Variants in FHAD1 observed in about 807,000 individuals in gnomAD.
FHAD1 encodes forkhead associated phosphopeptide binding domain 1, also known as forkhead-associated domain-containing protein 1.
FHAD1 carries 146 observed loss-of-function variants against 191.3 expected under a neutral mutation model. The observed-to-expected ratio is 0.76, with a 90% CI of 0.67 to 0.88. The LOEUF (loss-of-function observed/expected upper bound fraction) is 0.88. Ranked by LOEUF, FHAD1 falls within the 40% of genes least tolerant of loss-of-function variation. The pLI is 0.00. For missense variants in FHAD1, 1,635 were observed against 1,785.8 expected (o/e 0.92, Z 1.52); for synonymous variants, 616 against 672.3 (o/e 0.92, Z 1.29).
rs1365356965 is a variant in FHAD1, at chr1:15,276,375, C to T, written c.300+3846C>T. ...GACCTCCCAACTACCAGGTGGATGC[C>T]TTTGCAAATAACTTACCCATGGAGT... On this transcript the variant is annotated intron_variant, in intron 3 of 33. Coordinates refer to ENST00000688493, the MANE Select transcript of FHAD1 (RefSeq NM_001391957.1). The surrounding 1 kb of genome is among the most constrained non-coding windows in gnomAD (Gnocchi z 4.7). Among the ~76,000 whole-genome samples, 1 of 152,202 alleles carries T rather than the reference C, an allele frequency of 6.6e-6. No homozygotes were observed. The highest frequency in any genetic ancestry group is 6.5e-5 in the Admixed American group (1 of 15,280).
chr1:15,272,994 C>T (rs1573860268), intron 3 of FHAD1, among the ~76,000 whole-genome samples: 1 of 152,226 alleles, frequency 6.6e-6, no homozygotes, highest in East Asian at 1.9e-4. Context: ...TCCAAGTAGA[C>T]GCTCTTAACA....
chr1:15,261,861 A>G (rs1651218839), intron 2 of FHAD1, among the ~76,000 whole-genome samples: 1 of 152,158 alleles, frequency 6.6e-6, no homozygotes, highest in South Asian at 2.1e-4. Context: ...ATGATTTGAT[A>G]CACACAGGTG....
Position 15,342,038 on chromosome 1 carries a change from G to A in FHAD1, c.2130+150G>A. On this transcript the variant is annotated intron_variant, in intron 16 of 33. Transcript: ENST00000688493. ...AATTAATTAAACAGGGTGAATAATT[G>A]GGGAGGATTTAACATGAAGTTTGAA... 8 of 627,342 alleles carry A rather than the reference G, an allele frequency of 1.3e-5. No homozygotes were observed. In the South Asian group the frequency reaches 2.8e-4, roughly 22 times the overall value. The allele number at this position is 627,342 out of a possible 1,614,324, so 38.9% of individuals were successfully genotyped here.
rs1275818337 is a variant in FHAD1 at position 15,358,475 on chromosome 1, C to G, written c.2736+192C>G. Among the ~76,000 whole-genome samples the G allele has an allele frequency of 2.0e-5, 3 of 152,254 alleles. No homozygotes were observed. The East Asian group carries it at 5.8e-4, about 29-fold the overall frequency. ...TAGCACCACCTCTGTTCTCTACCCACCAGATGCCAGGAGCCCTCTCCCCAC... is the reference window on the plus strand; with the variant it reads ...TAGCACCACCTCTGTTCTCTACCCAGCAGATGCCAGGAGCCCTCTCCCCAC... On this transcript the variant is annotated intron_variant, in intron 21 of 33. Transcript: ENST00000688493.
intron 29 of FHAD1, 139 bp downstream of exon 29, chr1:15,380,935 T>C: frequency 1.5e-6 from 1 of 668,700 alleles, no homozygotes; most frequent in Non-Finnish European, 2.5e-6. Flanking sequence ...CTACCTACTA[T>C]CCCAGCATGG....
At chr1:15,238,484 T>C (rs925307016) in intron 1 of FHAD1, among the ~76,000 whole-genome samples, 1 of 152,170 alleles carries the variant, frequency 6.6e-6, no homozygotes, top group African/African-American at 2.4e-5. Flanking sequence ...GAATTTGCTA[T>C]TCAATAAACA....
chr1:15,382,638 A>G (rs1244497055), intron 31 of FHAD1, among the ~76,000 whole-genome samples: 1 of 152,210 alleles, frequency 6.6e-6, no homozygotes, highest in Non-Finnish European at 1.5e-5. Flanking sequence ...AGGAGTATAC[A>G]GGTGGATGGG....
chr1:15,358,222 A>G lies in FHAD1; in HGVS notation c.2675A>G (p.Glu892Gly), dbSNP rs1277399924. The G allele has an allele frequency of 6.5e-7, 1 of 1,543,208 alleles. No individual in the cohort carries two copies. The change falls in exon 21 of 34, where the codon GAG becomes GGG. Residue 892 changes from glutamate (E) to glycine (G), a missense_variant. Physicochemically the swap from Glu to Gly is moderately conservative, Grantham distance 98 (BLOSUM62 -2). Coordinates refer to ENST00000688493, the MANE Select transcript of FHAD1 (RefSeq NM_001391957.1). ...AAGGCAACTGAAAGTCTAAAAGCAG[A>G]GAGCCTCGCCTTGAAATTAAATGAA... ...KTKATESLKA[E>G]SLALKLNETL...
intron 24 of FHAD1, 124 bp downstream of exon 24, chr1:15,366,057 G>A (rs373175525): frequency 1.6e-6 from 1 of 624,734 alleles, no homozygotes; most frequent in Admixed American, 2.9e-5. Context: ...GGAGGCCAAG[G>A]CAGTTGGATC....
At chr1:15,333,935 C>T (rs375285925) in intron 14 of FHAD1, among the ~76,000 whole-genome samples, 5 of 144,744 alleles carry the variant, frequency 3.5e-5, no homozygotes, top group South Asian at 4.3e-4. Flanking sequence ...CAGGCTCAAG[C>T]GATCCTTCCA....
intron 3 of FHAD1, among the ~76,000 whole-genome samples, chr1:15,286,514 G>A (rs1662478047): frequency 6.6e-6 from 1 of 152,102 alleles, no homozygotes; most frequent in South Asian, 2.1e-4. Context: ...AAAAAATGGA[G>A]AAAAGAAAAC....
intron 18 of FHAD1, among the ~76,000 whole-genome samples, chr1:15,347,357 C>A (rs1167860257): frequency 1.3e-5 from 2 of 152,204 alleles, no homozygotes; most frequent in Non-Finnish European, 1.5e-5. Flanking sequence ...GGTCACCCCG[C>A]GTCTGTTAAA....
chr1:15,332,986 T>C (rs1682353768), intron 14 of FHAD1, among the ~76,000 whole-genome samples: 1 of 152,094 alleles, frequency 6.6e-6, no homozygotes, highest in South Asian at 2.1e-4. Context: ...CGCCCCCAAC[T>C]AACCTCTTGG....
chr1:15,368,091 C>T (rs1697042133), intron 25 of FHAD1, among the ~76,000 whole-genome samples: 1 of 152,174 alleles, frequency 6.6e-6, no homozygotes, highest in Non-Finnish European at 1.5e-5. Context: ...CTTGCCTCAG[C>T]CTCTGGAGTC....
intron 31 of FHAD1, among the ~76,000 whole-genome samples, chr1:15,385,401 T>C (rs1701890298): frequency 6.6e-6 from 1 of 152,060 alleles, no homozygotes; most frequent in Non-Finnish European, 1.5e-5. Flanking sequence ...TCACCTTGAG[T>C]TTCAGAACTA....
chr1:15,397,946 C>T lies in FHAD1; in HGVS notation c.*533C>T, dbSNP rs1706510122. Reference sequence around the variant, plus strand: ...AGGAGTTTGAGACCAGCCTGGCAAACATAGTGAATACCTGTCTCTACTAAA... The same window carrying T: ...AGGAGTTTGAGACCAGCCTGGCAAATATAGTGAATACCTGTCTCTACTAAA... On this transcript the variant is annotated 3_prime_UTR_variant, in exon 34 of 34. Transcript: ENST00000688493. 1 of 152,144 alleles carries T rather than the reference C, an allele frequency of 6.6e-6. No homozygotes were observed. Among genetic ancestry groups the T allele is most frequent in the Non-Finnish European group, 1.5e-5 (1 of 68,082 alleles). The allele number at this position is 152,144 out of a possible 1,614,324, so 9.4% of individuals were successfully genotyped here.
In FHAD1 at chr1:15,311,092, T is replaced by C. The variant is rs74053893; in HGVS notation, c.1040-1965T>C. Reference sequence around the variant, plus strand: ...GAAACAAACAAGATGAAATCTACGATTGCCCCCGGCTGGCTTGCGCTGGAG... The same window carrying C: ...GAAACAAACAAGATGAAATCTACGACTGCCCCCGGCTGGCTTGCGCTGGAG... On this transcript the variant is annotated intron_variant, in intron 7 of 33. Coordinates refer to ENST00000688493, the MANE Select transcript of FHAD1 (RefSeq NM_001391957.1). This position sits in a 1 kb window ranked among gnomAD's most constrained non-coding sequence, Gnocchi z 4.1. Among the ~76,000 whole-genome samples the C allele has an allele frequency of 0.016, 2,365 of 152,218 alleles. 60 individuals are homozygous for C. Among genetic ancestry groups the C allele is most frequent in the African/African-American group, 0.053 (2,197 of 41,524 alleles).
intron 23 of FHAD1, among the ~76,000 whole-genome samples, chr1:15,365,491 T>TTTTTTTTTTTTTTTTTC (rs1696130545): frequency 6.8e-6 from 1 of 146,492 alleles, no homozygotes; most frequent in African/African-American, 2.6e-5. Context: ...ATTTTTTTTT[T>TTTTTTTTTTTTTTTTTC]TTTTTTTTTT....
In FHAD1 at chr1:15,365,909, C is replaced by A. The variant is rs1696271675; in HGVS notation, c.3130C>A (p.His1044Asn). 6.4e-7 allele frequency: 1 copy of A among 1,551,222 alleles called. No homozygotes were observed. The highest frequency in any genetic ancestry group is 1.4e-5 in the African/African-American group (1 of 73,032). ...MKLRKDLTEA[H>N]SRMSDLRGEL... ...GTTAAGGAAAGACCTTACCGAAGCC[C>A]ACAGCAGAATGTCGGATTTGAGAGG... Residue 1044 changes from histidine to asparagine, a missense_variant, in exon 24 of 34, where the codon CAC (histidine) becomes AAC (asparagine). Transcript: ENST00000688493.
Sources: allele counts gnomAD v4.1 joint callset (sites outside exome capture counted in the v4.1 genomes callset), GRCh38; gene constraint gnomAD v4.1.1; non-coding constraint Gnocchi (gnomAD v3.1); transcripts MANE v1.5; gene names NCBI Gene and HGNC (gene_info 2026-07-23, HGNC 2026-07-21).